IGSF8: variants seen among roughly 807,000 people sequenced by gnomAD.
The protein encoded by IGSF8 is immunoglobulin superfamily member 8.
IGSF8 carries 46 observed loss-of-function variants against 55.5 expected under a neutral mutation model. The ratio of observed to expected loss-of-function variants is 0.83; its 90% CI spans 0.65 to 1.06. The LOEUF (loss-of-function observed/expected upper bound fraction) is 1.06, where lower values mean the gene tolerates loss of function less well. IGSF8 is among the 50% of genes least tolerant of loss of function. The pLI, the probability that IGSF8 is intolerant of heterozygous loss-of-function variation, is 0.00. For missense variants in IGSF8, 731 were observed against 832.3 expected, an observed-to-expected ratio of 0.88 and a Z score of 1.50; for synonymous variants, 314 against 356.1, an observed-to-expected ratio of 0.88 and a Z score of 1.33.
upstream of IGSF8, among the ~76,000 whole-genome samples, chr1:160,099,122 G>GCTC (rs1262441861): frequency 1.3e-5 from 2 of 151,168 alleles, no homozygotes; most frequent in African/African-American, 4.9e-5. Context: ...CCTGGCCCTG[G>GCTC]CTCCGCCCGA....
chr1:160,098,692 GC>G, upstream of IGSF8: 1 of 372,592 alleles, frequency 2.7e-6, no homozygotes, highest in Non-Finnish European at 4.4e-6. Flanking sequence ...GCCCCGGCCC[GC>G]CCCGGCACCG....
In IGSF8 at chr1:160,093,185, C is replaced by T. The variant is rs757699631; in HGVS notation, c.1051G>A (p.Gly351Arg). ...YSVGWEMAPA[G>R]APGPGRLVAQ... Reference sequence around the variant, plus strand: ...ACCAGGCGGCCGGGCCCAGGTGCCCCCGCAGGTGCCATCTCCCAACCTACA... The same window carrying T: ...ACCAGGCGGCCGGGCCCAGGTGCCCTCGCAGGTGCCATCTCCCAACCTACA... The change falls in exon 4 of 7, where the codon GGG (glycine) becomes AGG (arginine). Residue 351 changes from glycine to arginine, a missense_variant. By Grantham distance (125) the Gly-to-Arg change is moderately radical (BLOSUM62 -2). Coordinates refer to ENST00000314485, the MANE Select transcript of IGSF8 (RefSeq NM_052868.6). The T allele has an allele frequency of 3.1e-6, 5 of 1,613,642 alleles. No individual in the cohort carries two copies. In the South Asian group the frequency reaches 3.3e-5, roughly 11 times the overall value.
chr1:160,094,907 C>T lies in IGSF8; in HGVS notation c.404G>A (p.Arg135His), dbSNP rs200550632. 1.2e-4 allele frequency: 197 copies of T among 1,613,732 alleles called. No individual in the cohort carries two copies. The highest frequency in any genetic ancestry group is 1.2e-3 in the Middle Eastern group (7 of 6,060). The change falls in exon 2 of 7, where the codon CGC becomes CAC. Residue 135 changes from arginine (R) to histidine (H), a missense_variant. Physicochemically the swap from Arg to His is conservative, Grantham distance 29 (BLOSUM62 0). Coordinates refer to ENST00000314485, the MANE Select transcript of IGSF8 (RefSeq NM_052868.6). This position sits in a 1 kb window ranked among gnomAD's most constrained non-coding sequence, Gnocchi z 4.0. ...CTTGCCGCTGTAGCTGCCCAGGTAG[C>T]GGGTATCAGTGGAGGGGGTGTGGCA... ...YECHTPSTDT[R>H]YLGSYSGKVE...
Position 160,093,875 on chromosome 1 carries a change from T to C in IGSF8, c.739A>G (p.Lys247Glu). 6.2e-7 allele frequency: 1 copy of C among 1,614,168 alleles called. No homozygotes were observed. The highest frequency in any genetic ancestry group is 8.5e-7 in the Non-Finnish European group (1 of 1,180,028). Reference sequence around the variant, plus strand: ...ATGCGGTACCGATCGGTCCCTTCCTTGCCCAGACGAAGCTCCCCTGCAGCC... The same window carrying C: ...ATGCGGTACCGATCGGTCCCTTCCTCGCCCAGACGAAGCTCCCCTGCAGCC... ...RLAAGELRLG[K>E]EGTDRYRMVV... The change falls in exon 3 of 7, where the codon AAG (lysine) becomes GAG (glutamate). Residue 247 changes from lysine (K) to glutamate (E), a missense_variant. Transcript: ENST00000314485.
intron 1 of IGSF8, 65 bp downstream of exon 1, chr1:160,098,344 G>C: frequency 6.5e-7 from 1 of 1,538,648 alleles, no homozygotes; most frequent in Non-Finnish European, 8.8e-7. Context: ...CGAAATGCTA[G>C]GGGGGTGCTG....
At chr1:160,097,171 C>A (rs1402686364) in intron 1 of IGSF8, among the ~76,000 whole-genome samples, 1 of 152,216 alleles carries the variant, frequency 6.6e-6, no homozygotes, top group Non-Finnish European at 1.5e-5. Context: ...AATGTAAGTG[C>A]CCACAGGCAG....
chr1:160,095,154 C>G lies in IGSF8; in HGVS notation c.157G>C (p.Gly53Arg). The G allele has an allele frequency of 6.2e-7, 1 of 1,613,464 alleles. No homozygotes were observed. The highest frequency in any genetic ancestry group is 8.5e-7 in the Non-Finnish European group (1 of 1,180,036). ...TTCTGCTGGGCAGGGCCCTCATAGC[C>G]GGTCACATTGCAGGAGATGGAGACA... ...TAVSISCNVT[G>R]YEGPAQQNFE... The change falls in exon 2 of 7, where the codon GGC (glycine) becomes CGC (arginine). Residue 53 changes from glycine (G) to arginine (R), a missense_variant. Coordinates refer to ENST00000314485, the MANE Select transcript of IGSF8 (RefSeq NM_052868.6).
rs199554380 is a variant in IGSF8 at position 160,093,275 on chromosome 1, G to T, written c.961C>A (p.Pro321Thr). Residue 321 changes from proline (P) to threonine (T), a missense_variant, in exon 4 of 7, where the codon CCC becomes ACC. Coordinates refer to ENST00000314485, the MANE Select transcript of IGSF8 (RefSeq NM_052868.6). ...GACACATTGCACAGCAGTTCCAAGG[G>T]CTCCCCTGGGCCGATCCGACGTTCA... The part of the protein sequence containing the change: ...PGERRIGPGE[P>T]LELLCNVSGA... 7.2e-5 allele frequency: 115 copies of T among 1,608,384 alleles called. No homozygotes were observed. Among genetic ancestry groups the T allele is most frequent in the Non-Finnish European group, 9.3e-5 (109 of 1,175,470 alleles).
At position 160,094,135 on chromosome 1, in the gene IGSF8, G is replaced by T; in HGVS notation, c.479C>A (p.Pro160Gln). Residue 160 changes from proline to glutamine, a missense_variant, in exon 3 of 7, where the codon CCA (proline) becomes CAA (glutamine). By Grantham distance (76) the Pro-to-Gln change is moderately conservative (BLOSUM62 -1). Coordinates refer to ENST00000314485, the MANE Select transcript of IGSF8 (RefSeq NM_052868.6). This position sits in a 1 kb window ranked among gnomAD's most constrained non-coding sequence, Gnocchi z 4.0. ...PDVLQVSAAPPGPRGRQAPTS... is the reference protein window; with the variant it reads ...PDVLQVSAAPQGPRGRQAPTS... ...TGGGGCCTGGCGGCCTCGGGGCCCT[G>T]GGGGGGCAGCAGACACCTGGAGGAC... 1.9e-6 allele frequency: 3 copies of T among 1,603,788 alleles called. No individual in the cohort carries two copies. The highest frequency in any genetic ancestry group is 2.2e-5 in the South Asian group (2 of 90,908).
At chr1:160,097,670 C>T (rs1051340471) in intron 1 of IGSF8, 2 of 984,948 alleles carry the variant, frequency 2.0e-6, no homozygotes, top group Non-Finnish European at 2.4e-6. Flanking sequence ...CCCCATGCAT[C>T]CATGCAAGAT....
In IGSF8 at chr1:160,095,059, G is replaced by C; in HGVS notation, c.252C>G (p.Thr84=). 1 of 1,614,136 alleles carries C rather than the reference G, an allele frequency of 6.2e-7. No homozygotes were observed. Among genetic ancestry groups the C allele is most frequent in the South Asian group, 1.1e-5 (1 of 91,080 alleles). The change falls in exon 2 of 7, where the codon ACC becomes ACG. Residue 84 remains threonine, a synonymous_variant. Transcript: ENST00000314485. ...TALGIVSTKD[T]QFSYAVFKSR... ...ACTTGAAGACAGCATAGGAGAACTG[G>C]GTATCCTTGGTACTGACAATGCCCA...
intron 6 of IGSF8, 22 bp from the exon 7 acceptor site, chr1:160,091,630 G>T (rs1649958519): frequency 1.7e-6 from 1 of 600,000 alleles, no homozygotes; most frequent in Non-Finnish European, 3.0e-6. Context: ...GCCCGGTGTG[G>T]GCTAAGGACA....
At position 160,093,757 on chromosome 1, in the gene IGSF8, A is replaced by T. The variant is rs771962810; in HGVS notation, c.857T>A (p.Ile286Asn). ...IQDPDGSWAQIAEKRAVLAHV... is the reference protein window; with the variant it reads ...IQDPDGSWAQNAEKRAVLAHV... The stretch of plus-strand genomic sequence containing the variant: ...GGCCAGGACGGCCCTTTTCTCTGCA[A>T]TCTGGGCCCAGCTGCCATCAGGATC... The change falls in exon 3 of 7, where the codon ATT (isoleucine) becomes AAT (asparagine). Residue 286 changes from isoleucine (I) to asparagine (N), a missense_variant. Physicochemically the swap from Ile to Asn is moderately radical, Grantham distance 149 (BLOSUM62 -3). Coordinates refer to ENST00000314485, the MANE Select transcript of IGSF8 (RefSeq NM_052868.6). 6.2e-7 allele frequency: 1 copy of T among 1,613,524 alleles called. No individual in the cohort carries two copies. The highest frequency in any genetic ancestry group is 1.7e-5 in the Admixed American group (1 of 59,980).
rs752833975 is a variant in IGSF8 at position 160,095,216 on chromosome 1, A to T, written c.95T>A (p.Val32Asp). The T allele has an allele frequency of 6.2e-7, 1 of 1,605,822 alleles. No individual in the cohort carries two copies. The highest frequency in any genetic ancestry group is 2.2e-5 in the East Asian group (1 of 44,874). Reference protein sequence around the residue: ...GMGCWAREVLVPEGPLYRVAG... With the variant: ...GMGCWAREVLDPEGPLYRVAG... ...CACGCGGTACAAGGGCCCCTCGGGG[A>T]CCAGCACCTCCCGGGCCCAGCATCC... is the stretch of plus-strand genomic sequence containing the variant. Residue 32 changes from valine to aspartate, a missense_variant, in exon 2 of 7, where the codon GTC (valine) becomes GAC (aspartate). Physicochemically the swap from Val to Asp is radical, Grantham distance 152. Coordinates refer to ENST00000314485, the MANE Select transcript of IGSF8 (RefSeq NM_052868.6).
intron 1 of IGSF8, chr1:160,097,927 T>G: frequency 1.0e-6 from 1 of 985,408 alleles, no homozygotes; most frequent in Non-Finnish European, 1.2e-6. Context: ...ATGAAGTGCG[T>G]GGAGCGCAAC....
Position 160,091,921 on chromosome 1 carries a change from C to A in IGSF8, c.1744G>T (p.Val582Leu). Residue 582 changes from valine (V) to leucine (L), a missense_variant, in exon 6 of 7, where the codon GTG becomes TTG. Transcript: ENST00000314485. ...ACCCCTGTACCCACCAGCAGAGGCA[C>A]AAATAGGGTGTCCAGGGCTGGGGGA... The part of the protein sequence containing the change: ...PYMHALDTLF[V>L]PLLVGTGVAL... The A allele has an allele frequency of 6.2e-7, 1 of 1,612,288 alleles. No individual in the cohort carries two copies. Among genetic ancestry groups the A allele is most frequent in the Non-Finnish European group, 8.5e-7 (1 of 1,178,552 alleles).
chr1:160,093,447 C>T (rs987433939), intron 3 of IGSF8, 116 bp from the exon 4 acceptor site: 1 of 1,013,738 alleles, frequency 9.9e-7, no homozygotes. Context: ...CTCCTGTCTC[C>T]CCCTCACTAG....
chr1:160,092,290 T>G lies in IGSF8; in HGVS notation c.1718A>C (p.Tyr573Ser), dbSNP rs767132825. 1.9e-6 allele frequency: 3 copies of G among 1,613,764 alleles called. No homozygotes were observed. In the African/African-American group the frequency reaches 4.0e-5, roughly 22 times the overall value. The change falls in exon 5 of 7, where the codon TAC becomes TCC. Residue 573 changes from tyrosine to serine, a missense_variant. Tyr to Ser is a moderately radical substitution (Grantham distance 144). Coordinates refer to ENST00000314485, the MANE Select transcript of IGSF8 (RefSeq NM_052868.6). ...ARSGPVTVYP[Y>S]MHALDTLFVP... Reference sequence around the variant, plus strand: ...GAGGGGGTGTCACTCACCATGCATGTAGGGGTAGACTGTAACAGGCCCTGA... The same window carrying G: ...GAGGGGGTGTCACTCACCATGCATGGAGGGGTAGACTGTAACAGGCCCTGA...
rs1216582717 is a variant in IGSF8, at chr1:160,095,065, C to T, written c.246G>A (p.Lys82=). The change falls in exon 2 of 7, where the codon AAG becomes AAA. Residue 82 remains lysine, a synonymous_variant. Coordinates refer to ENST00000314485, the MANE Select transcript of IGSF8 (RefSeq NM_052868.6). The stretch of plus-strand genomic sequence containing the variant: ...AGACAGCATAGGAGAACTGGGTATC[C>T]TTGGTACTGACAATGCCCAGTGCAG... ...PDTALGIVST[K]DTQFSYAVFK... 2.3e-5 allele frequency: 37 copies of T among 1,614,050 alleles called. No individual in the cohort carries two copies. Among genetic ancestry groups the T allele is most frequent in the Non-Finnish European group, 3.1e-5 (37 of 1,180,032 alleles).
Sources: gnomAD v4.1 joint callset for allele counts (sites outside exome capture counted in the v4.1 genomes callset) on GRCh38, gnomAD v4.1.1 for gene constraint, Gnocchi (gnomAD v3.1) non-coding constraint, MANE v1.5 for transcripts, NCBI Gene and HGNC (gene_info 2026-07-23, HGNC 2026-07-21) for gene names.